Variants in RTTN observed in about 807,000 individuals in gnomAD.
RTTN encodes the protein rotatin.
RTTN carries 182 observed loss-of-function variants against 269.2 expected under a neutral mutation model. The observed-to-expected ratio is 0.68, with a 90% CI of 0.60 to 0.76. The LOEUF is 0.76. RTTN is among the 30% of genes least tolerant of loss of function. The pLI is 0.00. For missense variants in RTTN, 2,545 were observed against 2,608.6 expected (o/e 0.98, Z 0.53); for synonymous variants, 1,006 against 963.5 (o/e 1.04, Z -0.82).
chr18:70,089,973 A>G (rs1176767489), intron 30 of RTTN, among the ~76,000 whole-genome samples: 1 of 152,252 alleles, frequency 6.6e-6, no homozygotes, highest in Non-Finnish European at 1.5e-5. Flanking sequence ...AAAAAAAATG[A>G]GAAAGCTTGT....
At chr18:70,056,783 C>T (rs1211389982) in intron 37 of RTTN, among the ~76,000 whole-genome samples, 3 of 152,248 alleles carry the variant, frequency 2.0e-5, no homozygotes, top group African/African-American at 7.2e-5. Context: ...AATAGCCCTA[C>T]CCTTCCAACT....
intron 11 of RTTN, among the ~76,000 whole-genome samples, chr18:70,175,045 C>CAAAAA (rs5825998): frequency 3.2e-3 from 281 of 86,534 alleles, no homozygotes; most frequent in East Asian, 5.0e-3. Flanking sequence ...AAACCAAAAC[C>CAAAAA]AAAAAAAAAA....
intron 14 of RTTN, among the ~76,000 whole-genome samples, chr18:70,161,481 A>G (rs551023175): frequency 1.3e-5 from 2 of 152,194 alleles, no homozygotes; most frequent in Admixed American, 6.5e-5. Flanking sequence ...ACAGAAATAG[A>G]TAAGTGGGAC....
chr18:70,052,845 C>T (rs2057713278), intron 38 of RTTN, among the ~76,000 whole-genome samples: 1 of 151,822 alleles, frequency 6.6e-6, no homozygotes, highest in Non-Finnish European at 1.5e-5. Flanking sequence ...TTTAATTTAA[C>T]CAGCTAATAG....
intron 34 of RTTN, among the ~76,000 whole-genome samples, chr18:70,071,710 G>A (rs1030085835): frequency 9.9e-5 from 15 of 152,104 alleles, no homozygotes; most frequent in African/African-American, 3.4e-4. Flanking sequence ...TACGAAGCTT[G>A]CCAAACAACG....
intron 28 of RTTN, among the ~76,000 whole-genome samples, chr18:70,095,044 T>A (rs2058961458): frequency 1.4e-5 from 2 of 141,978 alleles, no homozygotes; most frequent in Non-Finnish European, 3.1e-5. Context: ...TTGATCCCTT[T>A]ATCATTATGT....
intron 33 of RTTN, 135 bp from the exon 34 acceptor site, chr18:70,074,129 T>G (rs927018513): frequency 2.1e-6 from 1 of 487,750 alleles, no homozygotes; most frequent in African/African-American, 2.0e-5. Context: ...GCTTCTGAGA[T>G]AGACCACTAT....
chr18:70,121,524 A>C (rs766653802), intron 26 of RTTN, 32 bp downstream of exon 26: 7 of 1,506,006 alleles, frequency 4.6e-6, no homozygotes, highest in Non-Finnish European at 6.2e-6. Flanking sequence ...TATTTCCCAA[A>C]CTTAAAATCC....
intron 4 of RTTN, among the ~76,000 whole-genome samples, chr18:70,199,769 C>T (rs892870444): frequency 2.0e-5 from 3 of 152,184 alleles, no homozygotes; most frequent in Non-Finnish European, 4.4e-5. Context: ...CCAATACAGA[C>T]TGACATATGA....
intron 28 of RTTN, 140 bp downstream of exon 28, chr18:70,109,358 T>G: frequency 1.7e-6 from 1 of 588,266 alleles, no homozygotes; most frequent in Non-Finnish European, 2.9e-6. Flanking sequence ...TAAAAATCAC[T>G]AAAACATTTC....
chr18:70,031,342 A>G (rs903482305), intron 40 of RTTN: 1 of 400,624 alleles, frequency 2.5e-6, no homozygotes, highest in Non-Finnish European at 4.4e-6. Flanking sequence ...GAACAGGAGA[A>G]CTGTCATCAA....
In RTTN at chr18:70,186,690, T is replaced by C. The variant is rs954642304; in HGVS notation, c.1305+1418A>G. Among the ~76,000 whole-genome samples, 7 of 152,294 alleles carry C rather than the reference T, an allele frequency of 4.6e-5. No homozygotes were observed. In the East Asian group the frequency reaches 1.3e-3, roughly 29 times the overall value. ...CACACCAATGAATACTATGCAGCCATAAAAATGCATGAGATCATATCCTTT... is the reference window on the plus strand; with the variant it reads ...CACACCAATGAATACTATGCAGCCACAAAAATGCATGAGATCATATCCTTT... On this transcript the variant is annotated intron_variant, in intron 10 of 48. Coordinates refer to ENST00000640769, the MANE Select transcript of RTTN (RefSeq NM_173630.4).
Position 70,068,533 on chromosome 18 carries a change from T to C in RTTN, c.4654-2611A>G, listed in dbSNP as rs535484360. Among the ~76,000 whole-genome samples, 7 of 152,300 alleles carry C rather than the reference T, an allele frequency of 4.6e-5. No individual in the cohort carries two copies. The South Asian group carries it at 8.3e-4, about 18-fold the overall frequency. On this transcript the variant is annotated intron_variant, in intron 34 of 48. Coordinates refer to ENST00000640769, the MANE Select transcript of RTTN (RefSeq NM_173630.4). Reference sequence around the variant, plus strand: ...CTTGCTTCTTTCTCCCTGATCCCCCTGTGTCCCCGCGGAACTTCAGCTAGA... The same window carrying C: ...CTTGCTTCTTTCTCCCTGATCCCCCCGTGTCCCCGCGGAACTTCAGCTAGA...
chr18:70,203,908 AC>A (rs1263542764), intron 3 of RTTN, among the ~76,000 whole-genome samples, 177 bp downstream of exon 3: 1 of 152,226 alleles, frequency 6.6e-6, no homozygotes, highest in Non-Finnish European at 1.5e-5. Context: ...ATGCAAATGT[AC>A]CATCCTTTGA....
chr18:70,121,443 C>CTTT, intron 26 of RTTN, 113 bp downstream of exon 26: 1 of 893,604 alleles, frequency 1.1e-6, no homozygotes, highest in Non-Finnish European at 1.7e-6. Flanking sequence ...ATGAAGACTA[C>CTTT]TTTACCAAGC....
intron 35 of RTTN, among the ~76,000 whole-genome samples, chr18:70,064,567 T>A (rs1163433299): frequency 6.6e-6 from 1 of 151,932 alleles, no homozygotes; most frequent in Non-Finnish European, 1.5e-5. Flanking sequence ...GCACACTAAG[T>A]GAAAGAAGCC....
intron 44 of RTTN, among the ~76,000 whole-genome samples, chr18:70,024,248 A>G (rs1198423175): frequency 6.6e-6 from 1 of 152,120 alleles, no homozygotes. Flanking sequence ...AGAACTCACA[A>G]TGCATGGCCC....
chr18:70,068,761 A>G (rs531064304), intron 34 of RTTN, among the ~76,000 whole-genome samples: 3 of 152,316 alleles, frequency 2.0e-5, no homozygotes, highest in South Asian at 2.1e-4. Flanking sequence ...ATTCATTAGA[A>G]TGGTCTAAGT....
In RTTN at chr18:70,030,948, T is replaced by C. The variant is rs896228648; in HGVS notation, c.5575A>G (p.Lys1859Glu). The change falls in exon 41 of 49, where the codon AAA becomes GAA. Residue 1859 changes from lysine to glutamate, a missense_variant. Physicochemically the swap from Lys to Glu is moderately conservative, Grantham distance 56. Coordinates refer to ENST00000640769, the MANE Select transcript of RTTN (RefSeq NM_173630.4). Reference protein sequence around the residue: ...YEGKSSKDILKRVAANALMSL... With the variant: ...YEGKSSKDILERVAANALMSL... ...ATCAATGCATTTGCAGCTACTCTTT[T>C]CAGGATATCTTTGGAGGATTTCCCT... is the stretch of plus-strand genomic sequence containing the variant. The C allele has an allele frequency of 3.7e-6, 6 of 1,613,624 alleles. No homozygotes were observed. The African/African-American group carries it at 8.0e-5, about 22-fold the overall frequency.
Sources: allele counts gnomAD v4.1 joint callset (sites outside exome capture counted in the v4.1 genomes callset), GRCh38; gene constraint gnomAD v4.1.1; transcripts MANE v1.5; gene names NCBI Gene and HGNC (gene_info 2026-07-23, HGNC 2026-07-21).